The following GALK2 variants were observed in gnomAD, a reference collection of about 807,000 sequenced individuals.
The protein encoded by GALK2 is galactokinase 2.
A neutral mutation model predicts 52.4 loss-of-function variants in GALK2; 36 were observed. That is an observed-to-expected ratio of 0.69 (90% CI 0.53 to 0.91). The LOEUF (loss-of-function observed/expected upper bound fraction) is 0.91. GALK2 is among the 40% of genes least tolerant of loss of function. The pLI is 0.00. For synonymous variants in GALK2, 176 were observed against 199.1 expected (o/e 0.88, Z 0.98); for missense variants, 579 against 559.1 (o/e 1.04, Z -0.36).
intron 2 of GALK2, among the ~76,000 whole-genome samples, chr15:49,211,573 T>C (rs1402084872): frequency 6.6e-6 from 1 of 152,206 alleles, no homozygotes; most frequent in African/African-American, 2.4e-5. Flanking sequence ...TAAAGAAGTA[T>C]CTGAGACTGG....
At chr15:49,216,982 T>C (rs1316735627) in intron 2 of GALK2, among the ~76,000 whole-genome samples, 1 of 152,202 alleles carries the variant, frequency 6.6e-6, no homozygotes, top group Non-Finnish European at 1.5e-5. Flanking sequence ...TTCTGGGTTC[T>C]TATGAAGGTG....
At chr15:49,363,810 G>T (rs1236340137) in intron 3 of GALK2, among the ~76,000 whole-genome samples, 2 of 151,988 alleles carry the variant, frequency 1.3e-5, no homozygotes, top group East Asian at 3.9e-4. Context: ...TTTGTTGAGG[G>T]TTTTTTATCA....
intron 1 of GALK2, among the ~76,000 whole-genome samples, chr15:49,164,767 C>G (rs1363850101): frequency 4.6e-5 from 1 of 21,594 alleles, no homozygotes; most frequent in Non-Finnish European, 8.7e-5. Context: ...ATGACAAAAG[C>G]AAAACTCCGT....
intron 8 of GALK2, among the ~76,000 whole-genome samples, chr15:49,302,192 G>A (rs186648818): frequency 6.6e-6 from 1 of 152,312 alleles, no homozygotes; most frequent in African/African-American, 2.4e-5. Flanking sequence ...CTTATAAGCT[G>A]CCCTTAGCAA....
intron 2 of GALK2, among the ~76,000 whole-genome samples, chr15:49,208,296 G>T (rs1004924024): frequency 1.3e-5 from 2 of 152,142 alleles, no homozygotes; most frequent in Non-Finnish European, 2.9e-5. Flanking sequence ...TTAGGGCTAT[G>T]AACTTTCCTC....
At chr15:49,175,939 G>C (rs1358326658) in intron 1 of GALK2, among the ~76,000 whole-genome samples, 2 of 152,178 alleles carry the variant, frequency 1.3e-5, no homozygotes, top group African/African-American at 4.8e-5. Flanking sequence ...GACCCCCTTA[G>C]AGTTGTGATC....
chr15:49,328,744 G>T lies in GALK2; in HGVS notation c.*585G>T. The T allele has an allele frequency of 2.0e-6, 3 of 1,496,466 alleles. No homozygotes were observed. Among genetic ancestry groups the T allele is most frequent in the Non-Finnish European group, 2.7e-6 (3 of 1,117,318 alleles). 92.7% of individuals were successfully genotyped at this position (1,496,466 alleles called of 1,614,324 possible). ...ACATTGTATAATTGAATTTGAATGT[G>T]AGATTTCTCCAGTTATCAAGAGACT... is the stretch of plus-strand genomic sequence containing the variant. On this transcript the variant is annotated 3_prime_UTR_variant, in exon 10 of 10. Transcript: ENST00000560031.
Position 49,279,935 on chromosome 15 carries a change from A to G in GALK2, c.505-2052A>G, listed in dbSNP as rs556249760. On this transcript the variant is annotated intron_variant, in intron 5 of 9. Coordinates refer to ENST00000560031, the MANE Select transcript of GALK2 (RefSeq NM_002044.4). ...AAATCCTAAGTTTACCTCATGTCAC[A>G]AGACAAAAGTTAATGTTAGTGAATC... 1.1e-4 allele frequency among the ~76,000 whole-genome samples: 17 copies of G among 152,392 alleles called. No individual in the cohort carries two copies. In the East Asian group the frequency reaches 2.9e-3, roughly 26 times the overall value.
chr15:49,265,935 G>A (rs938600959), intron 5 of GALK2, among the ~76,000 whole-genome samples: 1 of 152,200 alleles, frequency 6.6e-6, no homozygotes, highest in African/African-American at 2.4e-5. Context: ...ATGCGAAGGA[G>A]GGTATGTCAG....
chr15:49,309,782 G>A (rs1360489833), intron 8 of GALK2, among the ~76,000 whole-genome samples: 4 of 151,870 alleles, frequency 2.6e-5, no homozygotes, highest in Admixed American at 1.3e-4. Context: ...CACGACGCCC[G>A]GCTAATTTTG....
intron 2 of GALK2, among the ~76,000 whole-genome samples, chr15:49,206,593 T>G (rs1595663287): frequency 6.6e-6 from 1 of 152,130 alleles, no homozygotes; most frequent in South Asian, 2.1e-4. Context: ...TATTTATTTA[T>G]TTTTTGCAGC....
At chr15:49,293,364 C>A (rs991969499) in intron 8 of GALK2, among the ~76,000 whole-genome samples, 1 of 152,242 alleles carries the variant, frequency 6.6e-6, no homozygotes, top group African/African-American at 2.4e-5. Flanking sequence ...TAGTTTCTAA[C>A]ACTGTCGATC....
chr15:49,297,076 G>A (rs772482401), intron 8 of GALK2, among the ~76,000 whole-genome samples: 1 of 152,030 alleles, frequency 6.6e-6, no homozygotes, highest in Non-Finnish European at 1.5e-5. Flanking sequence ...CCTTTTCTTG[G>A]CAAACTTGGC....
chr15:49,201,562 A>G (rs943044729), intron 2 of GALK2, among the ~76,000 whole-genome samples: 39 of 152,102 alleles, frequency 2.6e-4, no homozygotes, highest in African/African-American at 9.4e-4. Flanking sequence ...AGTAGTTTTG[A>G]TGGTTTTATA....
intron 5 of GALK2, among the ~76,000 whole-genome samples, chr15:49,275,989 A>G (rs1241819278): frequency 6.6e-6 from 1 of 152,246 alleles, no homozygotes; most frequent in Non-Finnish European, 1.5e-5. Context: ...TATCTTTAGT[A>G]GCTTTAAAAG....
chr15:49,159,313 C>T (rs931960957), intron 1 of GALK2, among the ~76,000 whole-genome samples: 126 of 152,306 alleles, frequency 8.3e-4, no homozygotes, highest in African/African-American at 2.8e-3. Flanking sequence ...CGCTGGCTCA[C>T]GCCTGTAATC....
intron 3 of GALK2, among the ~76,000 whole-genome samples, chr15:49,234,325 G>T (rs990720048): frequency 6.6e-6 from 1 of 152,134 alleles, no homozygotes; most frequent in African/African-American, 2.4e-5. Flanking sequence ...TATCAAGGAG[G>T]CACAAAACAT....
At chr15:49,248,522 T>C (rs1288047044) in intron 5 of GALK2, among the ~76,000 whole-genome samples, 1 of 152,220 alleles carries the variant, frequency 6.6e-6, no homozygotes, top group Non-Finnish European at 1.5e-5. Context: ...AGCCATGTGC[T>C]CACTGGTACA....
At chr15:49,359,047 GA>G (rs1311849746) in intron 3 of GALK2, among the ~76,000 whole-genome samples, 1 of 152,082 alleles carries the variant, frequency 6.6e-6, no homozygotes, top group Non-Finnish European at 1.5e-5. Context: ...GTATAAAGCT[GA>G]AACTCGATCC....
Sources: allele counts gnomAD v4.1 joint callset (sites outside exome capture counted in the v4.1 genomes callset), GRCh38; gene constraint gnomAD v4.1.1; transcripts MANE v1.5; gene names NCBI Gene and HGNC (gene_info 2026-07-23, HGNC 2026-07-21).